The following TRAPPC9 variants were observed in gnomAD, a reference collection of about 807,000 sequenced individuals.
TRAPPC9 encodes the protein trafficking protein particle complex subunit 9.
In TRAPPC9, 83 loss-of-function variants were observed where a neutral mutation model predicts 124.0. That is an observed-to-expected ratio of 0.67 (90% CI 0.56 to 0.80). The LOEUF (loss-of-function observed/expected upper bound fraction) is 0.80, where lower values mean the gene tolerates loss of function less well. Ranked by LOEUF, TRAPPC9 falls within the 30% of genes least tolerant of loss-of-function variation. The pLI, the probability that TRAPPC9 is intolerant of heterozygous loss-of-function variation, is 0.00. For synonymous variants in TRAPPC9, 638 were observed against 617.5 expected, an observed-to-expected ratio of 1.03 and a Z score of -0.49; for missense variants, 1,302 against 1,508.3, an observed-to-expected ratio of 0.86 and a Z score of 2.27.
At position 140,371,129 on chromosome 8, in the gene TRAPPC9, C is replaced by T; in HGVS notation, c.1186G>A (p.Glu396Lys). 1 of 1,614,158 alleles carries T rather than the reference C, an allele frequency of 6.2e-7. No homozygotes were observed. The highest frequency in any genetic ancestry group is 8.5e-7 in the Non-Finnish European group (1 of 1,180,016). Residue 396 changes from glutamate (E) to lysine (K), a missense_variant, in exon 8 of 23, where the codon GAG (glutamate) becomes AAG (lysine). Glu to Lys is a moderately conservative substitution (Grantham distance 56, BLOSUM62 1). This residue lies in a region of TRAPPC9 where 657 missense variants were observed against 811.2 expected (regional missense o/e 0.81). Coordinates refer to ENST00000438773, the MANE Select transcript of TRAPPC9 (RefSeq NM_001160372.4). ...QRYSILSELY[E>K]LIGFHRKSAF... Reference sequence around the variant, plus strand: ...GACTTGCGATGGAAGCCGATCAGCTCATAGAGCTCGGAGAGGATGCTGTAG... The same window carrying T: ...GACTTGCGATGGAAGCCGATCAGCTTATAGAGCTCGGAGAGGATGCTGTAG...
chr8:139,736,975 G>C (rs1406986843), intron 21 of TRAPPC9, among the ~76,000 whole-genome samples: 1 of 152,244 alleles, frequency 6.6e-6, no homozygotes, highest in African/African-American at 2.4e-5. Context: ...TTACAAGATG[G>C]CTTCCCCGAC....
intron 19 of TRAPPC9, among the ~76,000 whole-genome samples, chr8:139,912,073 A>G (rs924286572): frequency 3.9e-5 from 6 of 152,206 alleles, no homozygotes; most frequent in Admixed American, 3.9e-4. Flanking sequence ...TGGTTCTCTA[A>G]GTAGATAGCT....
At chr8:140,348,992 A>G (rs997373956) in intron 9 of TRAPPC9, among the ~76,000 whole-genome samples, 2 of 151,578 alleles carry the variant, frequency 1.3e-5, no homozygotes, top group Non-Finnish European at 2.9e-5. Flanking sequence ...GACAGACAGA[A>G]AAAGAGGACA....
At position 139,995,443 on chromosome 8, in the gene TRAPPC9, C is replaced by T. The variant is rs116482653; in HGVS notation, c.2700-6607G>A. Among the ~76,000 whole-genome samples, 486 of 152,280 alleles carry T rather than the reference C, an allele frequency of 3.2e-3. 2 individuals carry two copies. Among genetic ancestry groups the T allele is most frequent in the African/African-American group, 0.011 (474 of 41,556 alleles). ...TGGCGGGACAGGCTCACACACCTCC[C>T]TGATACAAACCACCTCACTGACCCA... On this transcript the variant is annotated intron_variant, in intron 18 of 22. Coordinates refer to ENST00000438773, the MANE Select transcript of TRAPPC9 (RefSeq NM_001160372.4).
intron 17 of TRAPPC9, among the ~76,000 whole-genome samples, chr8:140,136,119 G>A (rs927996409): frequency 7.2e-5 from 11 of 152,070 alleles, no homozygotes; most frequent in African/African-American, 1.7e-4. Flanking sequence ...TGGAGAGGGA[G>A]GTAGGTACAT....
In TRAPPC9 at chr8:140,257,975, T is replaced by C. The variant is rs2064308400; in HGVS notation, c.2279-5046A>G. Among the ~76,000 whole-genome samples the C allele has an allele frequency of 6.6e-6, 1 of 152,212 alleles. No individual in the cohort carries two copies. The highest frequency in any genetic ancestry group is 2.4e-5 in the African/African-American group (1 of 41,464). On this transcript the variant is annotated intron_variant, in intron 15 of 22. Coordinates refer to ENST00000438773, the MANE Select transcript of TRAPPC9 (RefSeq NM_001160372.4). This position sits in a 1 kb window ranked among gnomAD's most constrained non-coding sequence, Gnocchi z 4.6. ...TTCAGATAAATATTTATTGAGTGTC[T>C]CCTGTGTGTCAAGCTCTGTAGCAAG...
At chr8:140,197,393 CT>C (rs1280274148) in intron 17 of TRAPPC9, among the ~76,000 whole-genome samples, 5 of 151,884 alleles carry the variant, frequency 3.3e-5, no homozygotes, top group Admixed American at 3.3e-4. Flanking sequence ...CAGGCGCCTC[CT>C]CCTCACTTTG....
chr8:139,971,880 AGTGCAGTGATGGCTCACTGC>A (rs1038564390), intron 19 of TRAPPC9, among the ~76,000 whole-genome samples: 2 of 151,588 alleles, frequency 1.3e-5, no homozygotes, highest in African/African-American at 4.8e-5. Flanking sequence ...CCCAGGCTGG[AGTGCAGTGATGGCTCACTGC>A]GACGTCCACC....
chr8:140,086,549 G>A (rs368445145), intron 17 of TRAPPC9, among the ~76,000 whole-genome samples: 84 of 152,226 alleles, frequency 5.5e-4, no homozygotes, highest in African/African-American at 1.8e-3. Flanking sequence ...ACCCCATCCC[G>A]TCCTGCTCCA....
At chr8:140,400,656 A>C (rs2069233109) in intron 6 of TRAPPC9, among the ~76,000 whole-genome samples, 2 of 152,190 alleles carry the variant, frequency 1.3e-5, no homozygotes, top group Admixed American at 1.3e-4. Flanking sequence ...ACTATGCAAT[A>C]AACTGGGGAG....
intron 17 of TRAPPC9, among the ~76,000 whole-genome samples, chr8:140,066,487 A>C (rs1281163539): frequency 2.0e-5 from 3 of 152,220 alleles, no homozygotes; most frequent in African/African-American, 7.2e-5. Context: ...ATTGAACTGA[A>C]CTAAGTTGAT....
intron 21 of TRAPPC9, among the ~76,000 whole-genome samples, chr8:139,846,579 CA>C (rs1827100027): frequency 6.6e-6 from 1 of 152,254 alleles, no homozygotes; most frequent in South Asian, 2.1e-4. Context: ...CCCCCACACA[CA>C]TATAATTTTA....
chr8:140,263,655 A>G (rs536652874), intron 15 of TRAPPC9, among the ~76,000 whole-genome samples: 3 of 152,238 alleles, frequency 2.0e-5, no homozygotes, highest in Non-Finnish European at 4.4e-5. Flanking sequence ...CAGAAGAGCC[A>G]TGGAGTGCCA....
chr8:139,766,934 G>T (rs1258136543), intron 21 of TRAPPC9, among the ~76,000 whole-genome samples: 1 of 152,186 alleles, frequency 6.6e-6, no homozygotes, highest in Non-Finnish European at 1.5e-5. Flanking sequence ...ATGCTCTCTT[G>T]CGTCCTCACC....
At chr8:139,821,794 A>T (rs975717293) in intron 21 of TRAPPC9, among the ~76,000 whole-genome samples, 1 of 152,236 alleles carries the variant, frequency 6.6e-6, no homozygotes, top group Non-Finnish European at 1.5e-5. Flanking sequence ...GAGCTTGTTA[A>T]GGCTTCTGAG....
Position 140,457,703 on chromosome 8 carries a change from C to T in TRAPPC9, c.-75G>A. ...CTGGCGGGCAGCGGGGCCGAGCAGC[C>T]TCTGCGGCCACTTCCCAGGCTCTGG... On this transcript the variant is annotated 5_prime_UTR_variant, in exon 1 of 23. Transcript: ENST00000438773. 1.0e-6 allele frequency: 1 copy of T among 988,352 alleles called. No homozygotes were observed. Among genetic ancestry groups the T allele is most frequent in the Non-Finnish European group, 1.2e-6 (1 of 831,806 alleles). 61.2% of individuals were successfully genotyped at this position (988,352 alleles called of 1,614,324 possible).
upstream of TRAPPC9, chr8:140,457,870 A>T: frequency 1.1e-6 from 1 of 889,722 alleles, no homozygotes; most frequent in Non-Finnish European, 1.4e-6. Context: ...AAGAGGAAGG[A>T]GGAGCGAGGG....
In TRAPPC9 at chr8:139,849,477, T is replaced by A. The variant is rs1156604712; in HGVS notation, c.3055+36402A>T. 3.3e-5 allele frequency among the ~76,000 whole-genome samples: 5 copies of A among 152,278 alleles called. No homozygotes were observed. The East Asian group carries it at 5.8e-4, about 18-fold the overall frequency. Reference sequence around the variant, plus strand: ...CTCTCCTTCTGGTTCTGCATTTTCATTATGTACCTTATTCTAGCCACAAGA... The same window carrying A: ...CTCTCCTTCTGGTTCTGCATTTTCAATATGTACCTTATTCTAGCCACAAGA... On this transcript the variant is annotated intron_variant, in intron 21 of 22. Transcript: ENST00000438773.
chr8:139,815,320 C>T (rs1824752296), intron 21 of TRAPPC9, among the ~76,000 whole-genome samples: 1 of 151,974 alleles, frequency 6.6e-6, no homozygotes, highest in Admixed American at 6.5e-5. Context: ...ATAACTTGCT[C>T]GAGGTCACAA....
Sources: allele counts gnomAD v4.1 joint callset (sites outside exome capture counted in the v4.1 genomes callset), GRCh38; gene constraint gnomAD v4.1.1; regional missense constraint gnomAD v4.1.1; non-coding constraint Gnocchi (gnomAD v3.1); transcripts MANE v1.5; gene names NCBI Gene and HGNC (gene_info 2026-07-23, HGNC 2026-07-21).